The following DOCK8 variants were observed in gnomAD, a reference collection of about 807,000 sequenced individuals.
The protein encoded by DOCK8 is dedicator of cytokinesis 8, also known as dedicator of cytokinesis protein 8.
Under a neutral mutation model 245.6 loss-of-function variants are expected in DOCK8, and 141 were observed. The observed-to-expected ratio is 0.57, with a 90% CI of 0.50 to 0.66. The LOEUF (loss-of-function observed/expected upper bound fraction) is 0.66. Among genes scored for constraint, DOCK8 ranks in the 30% least tolerant of loss-of-function variants. The pLI is 0.00. For missense variants in DOCK8, 2,965 were observed against 2,603.4 expected (o/e 1.14, Z -3.02); for synonymous variants, 1,168 against 970.2 (o/e 1.20, Z -3.79).
chr9:241,929 T>C (rs1402922136), intron 1 of DOCK8, among the ~76,000 whole-genome samples: 1 of 152,210 alleles, frequency 6.6e-6, no homozygotes, highest in Non-Finnish European at 1.5e-5. Context: ...TAGGTAAACA[T>C]TTTTTAAAAT....
upstream of DOCK8, chr9:214,527 A>AT (rs1423283285): frequency 6.2e-7 from 1 of 1,613,146 alleles, no homozygotes; most frequent in Non-Finnish European, 8.5e-7. Context: ...CCCTGGGGTG[A>AT]TTCCCGACCT....
chr9:422,196 C>A lies in DOCK8; in HGVS notation c.4241+61C>A, dbSNP rs1378788388. On this transcript the variant is annotated intron_variant, in intron 33 of 47. Transcript: ENST00000432829. ...AAAGTCCAAAACTATTTTTCCCAGG[C>A]TGCTTGTATTACTGAAACAACTGCA... The A allele has an allele frequency of 5.7e-6, 8 of 1,412,544 alleles. No individual in the cohort carries two copies. In the Admixed American group the frequency reaches 6.8e-5, roughly 12 times the overall value. 87.5% of individuals were successfully genotyped at this position (1,412,544 alleles called of 1,614,324 possible). A position where few individuals can be genotyped will look rare whatever the true frequency, so the allele number is the denominator to read the frequency against.
intron 7 of DOCK8, among the ~76,000 whole-genome samples, chr9:323,940 C>G (rs10758059): frequency 0.024 from 3,703 of 152,290 alleles, 43 homozygotes; most frequent in Middle Eastern, 0.061. Context: ...TTACTTCCAC[C>G]TTTTGGCTAT....
At chr9:374,142 A>G (rs2053417111) in intron 18 of DOCK8, among the ~76,000 whole-genome samples, 1 of 152,208 alleles carries the variant, frequency 6.6e-6, no homozygotes, top group Non-Finnish European at 1.5e-5. Context: ...CTCAATTCCT[A>G]AGTAAACATT....
At chr9:266,804 T>C (rs1288161416) in intron 1 of DOCK8, among the ~76,000 whole-genome samples, 1 of 152,196 alleles carries the variant, frequency 6.6e-6, no homozygotes, top group African/African-American at 2.4e-5. Context: ...AGGATAATAT[T>C]TATAAACTAT....
chr9:401,004 T>TCACCACCAC (rs2055057003), intron 26 of DOCK8, among the ~76,000 whole-genome samples: 1 of 55,666 alleles, frequency 1.8e-5, no homozygotes, highest in Non-Finnish European at 3.8e-5. Context: ...ACCACCACCA[T>TCACCACCAC]TAGCTCCACC....
chr9:390,156 A>G (rs1020946320), intron 23 of DOCK8, among the ~76,000 whole-genome samples: 5 of 152,180 alleles, frequency 3.3e-5, no homozygotes, highest in African/African-American at 1.2e-4. Context: ...AAAGTAAGAC[A>G]GTACCAGTTT....
At chr9:267,194 T>C (rs2048055200) in intron 1 of DOCK8, among the ~76,000 whole-genome samples, 1 of 152,202 alleles carries the variant, frequency 6.6e-6, no homozygotes, top group Admixed American at 6.5e-5. Context: ...TTTATATGTA[T>C]GCAATTTGTT....
At chr9:357,350 A>G (rs2052493095) in intron 14 of DOCK8, among the ~76,000 whole-genome samples, 1 of 152,362 alleles carries the variant, frequency 6.6e-6, no homozygotes, top group South Asian at 2.1e-4. Flanking sequence ...CTCATATTCA[A>G]ATTGCAGATC....
chr9:216,403 G>C lies in DOCK8; in HGVS notation c.53+1374G>C, dbSNP rs77215812. Among the ~76,000 whole-genome samples, 1,165 of 152,034 alleles carry C rather than the reference G, an allele frequency of 7.7e-3. 17 individuals are homozygous for C. Among genetic ancestry groups the C allele is most frequent in the African/African-American group, 0.027 (1,100 of 41,462 alleles). On this transcript the variant is annotated intron_variant, in intron 1 of 47. Coordinates refer to ENST00000432829, the MANE Select transcript of DOCK8 (RefSeq NM_203447.4). ...TTTAAAACATTAGCCAGGTGTGGTTGCATGCACCTGTAGCCCCAGCTATTC... is the reference window on the plus strand; with the variant it reads ...TTTAAAACATTAGCCAGGTGTGGTTCCATGCACCTGTAGCCCCAGCTATTC...
At chr9:399,311 A>C (rs73639208) in intron 26 of DOCK8, 52 bp downstream of exon 26, 2 of 1,179,758 alleles carry the variant, frequency 1.7e-6, no homozygotes, top group Non-Finnish European at 2.4e-6. Flanking sequence ...GTTCCTTCTC[A>C]TATAATGTGA....
chr9:411,060 G>C (rs1463743785), intron 28 of DOCK8, among the ~76,000 whole-genome samples: 1 of 152,180 alleles, frequency 6.6e-6, no homozygotes. Flanking sequence ...ACCTACAGAA[G>C]TAAAAAGATT....
intron 1 of DOCK8, among the ~76,000 whole-genome samples, chr9:223,849 T>C (rs1363788849): frequency 6.6e-6 from 1 of 152,092 alleles, no homozygotes; most frequent in East Asian, 1.9e-4. Context: ...CTGTTCTCCC[T>C]GCTGCTCCCT....
rs919023291 is a variant in DOCK8, at chr9:379,644, T to G, written c.2441-127T>G. ...CATGCCAGAGCTCACCAAAACCATC[T>G]ACCCTTCCCAGGCCTAGTTAAATTG... is the stretch of plus-strand genomic sequence containing the variant. On this transcript the variant is annotated intron_variant, in intron 20 of 47. Coordinates refer to ENST00000432829, the MANE Select transcript of DOCK8 (RefSeq NM_203447.4). The G allele has an allele frequency of 4.4e-5, 46 of 1,034,944 alleles. No homozygotes were observed. The East Asian group carries it at 7.6e-4, about 17-fold the overall frequency. The allele number at this position is 1,034,944 out of a possible 1,614,324, so 64.1% of individuals were successfully genotyped here.
chr9:333,334 G>A (rs553581057), intron 10 of DOCK8, among the ~76,000 whole-genome samples: 3 of 152,246 alleles, frequency 2.0e-5, no homozygotes, highest in Non-Finnish European at 4.4e-5. Context: ...GGGCGTGGTG[G>A]CTCACACCTG....
At chr9:337,499 C>T (rs1259718480) in intron 12 of DOCK8, among the ~76,000 whole-genome samples, 6 of 152,266 alleles carry the variant, frequency 3.9e-5, no homozygotes, top group Middle Eastern at 6.8e-3. Context: ...ATCTCCTTCC[C>T]GGTGGATCTC....
At chr9:241,328 C>G (rs1039013691) in intron 1 of DOCK8, among the ~76,000 whole-genome samples, 7 of 152,088 alleles carry the variant, frequency 4.6e-5, no homozygotes, top group Admixed American at 2.0e-4. Flanking sequence ...GAACGTATTC[C>G]TCCTATGTAG....
intron 11 of DOCK8, among the ~76,000 whole-genome samples, chr9:335,161 T>C (rs931155401): frequency 6.6e-6 from 1 of 152,180 alleles, no homozygotes; most frequent in Non-Finnish European, 1.5e-5. Context: ...CCAAGTGCAA[T>C]GAAAAAATGG....
At chr9:257,613 A>G (rs1251656307) in intron 1 of DOCK8, among the ~76,000 whole-genome samples, 1 of 152,152 alleles carries the variant, frequency 6.6e-6, no homozygotes, top group African/African-American at 2.4e-5. Context: ...TCAGCCTTCC[A>G]GGTTCAAGCG....
Sources: allele counts gnomAD v4.1 joint callset (sites outside exome capture counted in the v4.1 genomes callset), GRCh38; gene constraint gnomAD v4.1.1; transcripts MANE v1.5; gene names NCBI Gene and HGNC (gene_info 2026-07-23, HGNC 2026-07-21).